The following COL4A4 variants were observed in gnomAD, a reference collection of about 807,000 sequenced individuals.
COL4A4 encodes collagen type IV alpha 4 chain, also known as collagen alpha-4(IV) chain.
A neutral mutation model predicts 192.9 loss-of-function variants in COL4A4; 105 were observed. The ratio of observed to expected loss-of-function variants is 0.54; its 90% CI spans 0.46 to 0.64. The LOEUF is 0.64. Among genes scored for constraint, COL4A4 ranks in the 30% least tolerant of loss-of-function variants. COL4A4 has a pLI of 0.00. For missense variants in COL4A4, 1,967 were observed against 2,169.3 expected (o/e 0.91, Z 1.85); for synonymous variants, 762 against 769.9 (o/e 0.99, Z 0.17).
intron 18 of COL4A4, 75 bp downstream of exon 18, chr2:227,099,545 G>A: frequency 7.4e-7 from 1 of 1,342,504 alleles, no homozygotes; most frequent in Non-Finnish European, 1.1e-6. Context: ...GAAATACTGG[G>A]CCAGACTCTT....
At chr2:227,032,358 A>G (rs1458447400) in intron 38 of COL4A4, 82 bp from the exon 39 acceptor site, 7 of 1,510,338 alleles carry the variant, frequency 4.6e-6, no homozygotes, top group Non-Finnish European at 6.3e-6. Flanking sequence ...CCACTTCCCA[A>G]TAGCGGCAGA....
At chr2:226,984,761 G>A in the COL4A4 span, among the ~76,000 whole-genome samples, 3 of 152,190 alleles carry the variant, frequency 2.0e-5, no homozygotes, top group African/African-American at 7.2e-5. Flanking sequence ...CCCTGGTCTT[G>A]TACATTCACT....
intron 1 of COL4A4, among the ~76,000 whole-genome samples, chr2:227,155,970 T>C (rs1308474656): frequency 6.6e-6 from 1 of 151,948 alleles, no homozygotes; most frequent in Non-Finnish European, 1.5e-5. Context: ...CTAACAGACT[T>C]AAATGAGTAG....
chr2:226,983,322 C>G, the COL4A4 span, among the ~76,000 whole-genome samples: 1 of 152,182 alleles, frequency 6.6e-6, no homozygotes, highest in South Asian at 2.1e-4. Context: ...TTTAGCCCTT[C>G]GAAGCATGCT....
chr2:226,972,881 A>G, the COL4A4 span, among the ~76,000 whole-genome samples: 8 of 151,490 alleles, frequency 5.3e-5, no homozygotes, highest in Non-Finnish European at 8.8e-5. Context: ...AGAAGGCCCA[A>G]TCCCTCCATT....
chr2:227,118,508 T>C (rs1377925656), intron 7 of COL4A4, 137 bp downstream of exon 7: 1 of 716,562 alleles, frequency 1.4e-6, no homozygotes, highest in Non-Finnish European at 2.5e-6. Context: ...TCTGTCCTTA[T>C]CCCCCAGCCA....
intron 28 of COL4A4, 72 bp from the exon 29 acceptor site, chr2:227,057,672 C>A: frequency 6.8e-7 from 1 of 1,481,380 alleles, no homozygotes; most frequent in East Asian, 2.3e-5. Flanking sequence ...GAATTGTTCA[C>A]GCATATCAAT....
intron 28 of COL4A4, among the ~76,000 whole-genome samples, chr2:227,058,832 G>A (rs7558163): frequency 0.015 from 2,317 of 152,192 alleles, 53 homozygotes; most frequent in African/African-American, 0.053. Context: ...ACTCCACTGG[G>A]GATCCTGAAG....
chr2:227,062,916 G>A (rs1977488526), intron 25 of COL4A4, among the ~76,000 whole-genome samples: 1 of 152,136 alleles, frequency 6.6e-6, no homozygotes, highest in African/African-American at 2.4e-5. Context: ...TGAACTACAT[G>A]GGTAGTAGAT....
intron 41 of COL4A4, among the ~76,000 whole-genome samples, chr2:227,029,030 A>T (rs1967686848): frequency 6.6e-6 from 1 of 152,152 alleles, no homozygotes; most frequent in Non-Finnish European, 1.5e-5. Context: ...CAGGTGCCTA[A>T]GAGATATTTG....
chr2:226,967,746 A>AC, the COL4A4 span, among the ~76,000 whole-genome samples: 1 of 151,934 alleles, frequency 6.6e-6, no homozygotes, highest in Non-Finnish European at 1.5e-5. Context: ...GTATGTCCAC[A>AC]CCCCCAAGAG....
intron 3 of COL4A4, among the ~76,000 whole-genome samples, chr2:227,142,552 A>G (rs1280535272): frequency 1.3e-5 from 2 of 152,138 alleles, no homozygotes; most frequent in African/African-American, 4.8e-5. Context: ...CCAGGAGTTC[A>G]AGACCAGCCT....
At chr2:227,048,733 AGT>A (rs1246132531) in intron 34 of COL4A4, among the ~76,000 whole-genome samples, 1 of 152,234 alleles carries the variant, frequency 6.6e-6, no homozygotes, top group Admixed American at 6.5e-5. Context: ...GCATGAAGGA[AGT>A]GAGAAGAGGT....
intron 37 of COL4A4, among the ~76,000 whole-genome samples, chr2:227,038,202 C>T (rs758094488): frequency 2.0e-5 from 3 of 152,076 alleles, no homozygotes; most frequent in Admixed American, 6.5e-5. Flanking sequence ...AGTTTTAGGT[C>T]TTATGTTTAA....
intron 19 of COL4A4, 78 bp downstream of exon 19, chr2:227,098,614 TAC>T: frequency 9.5e-7 from 1 of 1,054,522 alleles, no homozygotes; most frequent in Non-Finnish European, 1.5e-6. Context: ...CAATATCAGC[TAC>T]AGTTGAAAGC....
intron 38 of COL4A4, 76 bp downstream of exon 38, chr2:227,033,334 T>C: frequency 8.0e-7 from 1 of 1,252,358 alleles, no homozygotes; most frequent in Non-Finnish European, 1.2e-6. Context: ...AGTGCAGAAA[T>C]ACCAGGGAGG....
chr2:227,082,532 T>C (rs2059378173), intron 22 of COL4A4, among the ~76,000 whole-genome samples: 2 of 152,196 alleles, frequency 1.3e-5, no homozygotes, highest in African/African-American at 4.8e-5. Flanking sequence ...GAAGCATACA[T>C]GGGAACTTTA....
At chr2:226,981,473 TTG>T in the COL4A4 span, among the ~76,000 whole-genome samples, 20 of 149,750 alleles carry the variant, frequency 1.3e-4, no homozygotes, top group Non-Finnish European at 2.4e-4. Flanking sequence ...AGTCACAGGA[TTG>T]TCTCCTGCCT....
At chr2:226,970,796 C>G in the COL4A4 span, among the ~76,000 whole-genome samples, 1 of 152,160 alleles carries the variant, frequency 6.6e-6, no homozygotes, top group Non-Finnish European at 1.5e-5. Flanking sequence ...ATGCGACTTT[C>G]TTCAGTATTT....
Sources: gnomAD v4.1 joint callset for allele counts (sites outside exome capture counted in the v4.1 genomes callset) on GRCh38, gnomAD v4.1.1 for gene constraint, MANE v1.5 for transcripts, NCBI Gene and HGNC (gene_info 2026-07-23, HGNC 2026-07-21) for gene names.